NFATC3: variants seen among roughly 807,000 people sequenced by gnomAD.
NFATC3 encodes nuclear factor of activated T-cells, cytoplasmic 3.
Under a neutral mutation model 98.6 loss-of-function variants are expected in NFATC3, and 46 were observed. The observed-to-expected ratio is 0.47, with a 90% CI of 0.37 to 0.60. The LOEUF is 0.60. Among genes scored for constraint, NFATC3 ranks in the 20% least tolerant of loss-of-function variants. NFATC3 has a pLI of 0.00. For synonymous variants in NFATC3, 512 were observed against 472.2 expected, an observed-to-expected ratio of 1.08 and a Z score of -1.09; for missense variants, 1,256 against 1,295.5, an observed-to-expected ratio of 0.97 and a Z score of 0.47.
chr16:68,205,288 A>T (rs2041099435), intron 9 of NFATC3, among the ~76,000 whole-genome samples: 1 of 152,024 alleles, frequency 6.6e-6, no homozygotes, highest in South Asian at 2.1e-4. Context: ...TGCTCTGTTG[A>T]TCAGGCTGGA....
chr16:68,150,765 C>A (rs562376682), intron 3 of NFATC3, among the ~76,000 whole-genome samples: 5 of 152,142 alleles, frequency 3.3e-5, no homozygotes, highest in Non-Finnish European at 7.3e-5. Context: ...AAGGGAGAGG[C>A]CAGATGGGGG....
intron 9 of NFATC3, among the ~76,000 whole-genome samples, chr16:68,214,588 C>G (rs2041558203): frequency 6.6e-6 from 1 of 152,142 alleles, no homozygotes; most frequent in Non-Finnish European, 1.5e-5. Flanking sequence ...GACTAAAAGA[C>G]TCTGCTTTTT....
In NFATC3 at chr16:68,168,352, G is replaced by A. The variant is rs1019732511; in HGVS notation, c.1774+1337G>A. ...TAATTTTTGTATTTTTAGTAGAGAC[G>A]AGGTTTCACCATGTTGGCCATGCTG... On this transcript the variant is annotated intron_variant, in intron 5 of 9. Transcript: ENST00000346183. Among the ~76,000 whole-genome samples the A allele has an allele frequency of 2.7e-5, 4 of 150,748 alleles. No homozygotes were observed. The East Asian group carries it at 5.9e-4, about 22-fold the overall frequency.
intron 3 of NFATC3, among the ~76,000 whole-genome samples, chr16:68,137,549 TTC>T: frequency 6.6e-6 from 1 of 152,164 alleles, no homozygotes; most frequent in Non-Finnish European, 1.5e-5. Flanking sequence ...TCGTTTCTCT[TTC>T]TGTTTTACCA....
intron 9 of NFATC3, among the ~76,000 whole-genome samples, chr16:68,204,155 T>G (rs2041043338): frequency 6.6e-6 from 1 of 151,964 alleles, no homozygotes; most frequent in African/African-American, 2.4e-5. Context: ...GCCACTGCAC[T>G]CCAGCCTGGG....
At chr16:68,158,450 C>A (rs1377716579) in intron 4 of NFATC3, among the ~76,000 whole-genome samples, 1 of 152,148 alleles carries the variant, frequency 6.6e-6, no homozygotes, top group Non-Finnish European at 1.5e-5. Context: ...CCACTTGACC[C>A]ATTTCCAAAT....
chr16:68,134,705 G>GT (rs900987059), intron 3 of NFATC3, among the ~76,000 whole-genome samples: 2 of 152,028 alleles, frequency 1.3e-5, no homozygotes, highest in African/African-American at 2.4e-5. Context: ...TTGTTTTGGG[G>GT]TTTTTTTGGG....
At chr16:68,223,359 CA>C (rs921353453) in intron 9 of NFATC3, among the ~76,000 whole-genome samples, 2 of 151,960 alleles carry the variant, frequency 1.3e-5, no homozygotes, top group African/African-American at 4.8e-5. Context: ...CCTATCTCTA[CA>C]AAAAAAATTT....
intron 9 of NFATC3, among the ~76,000 whole-genome samples, chr16:68,223,439 G>A (rs1357419167): frequency 6.6e-6 from 1 of 152,144 alleles, no homozygotes; most frequent in Non-Finnish European, 1.5e-5. Flanking sequence ...AAGTAATCAC[G>A]GTTCTTGCCA....
In NFATC3 at chr16:68,122,111, A is replaced by G; in HGVS notation, c.228A>G (p.Pro76=). 1.9e-6 allele frequency: 3 copies of G among 1,614,112 alleles called. No individual in the cohort carries two copies. Among genetic ancestry groups the G allele is most frequent in the African/African-American group, 1.3e-5 (1 of 75,042 alleles). The change falls in exon 2 of 10, where the codon CCA becomes CCG. Residue 76 remains proline (P), a synonymous_variant. Transcript: ENST00000346183. ...GLPSHSSVLS[P]SFQLQSHKNY... ...CGTCTCACTCTTCTGTTTTGTCACC[A>G]TCGTTTCAGCTCCAAAGTCACAAAA... is the stretch of plus-strand genomic sequence containing the variant.
rs577043940 is a variant in NFATC3 at position 68,196,463 on chromosome 16, G to T, written c.3106+4688G>T. ...ATTTTTAATTTGACTCATTTATTATGATATTTGGATTTGCCTTTGAAGGTA... is the reference window on the plus strand; with the variant it reads ...ATTTTTAATTTGACTCATTTATTATTATATTTGGATTTGCCTTTGAAGGTA... On this transcript the variant is annotated intron_variant, in intron 9 of 9. Coordinates refer to ENST00000346183, the MANE Select transcript of NFATC3 (RefSeq NM_173165.3). Among the ~76,000 whole-genome samples the T allele has an allele frequency of 7.9e-5, 12 of 152,238 alleles. No individual in the cohort carries two copies. In the South Asian group the frequency reaches 2.5e-3, roughly 32 times the overall value.
chr16:68,203,121 A>G (rs2040997721), intron 9 of NFATC3, among the ~76,000 whole-genome samples: 1 of 152,184 alleles, frequency 6.6e-6, no homozygotes, highest in Non-Finnish European at 1.5e-5. Context: ...ATGGACCATG[A>G]TGGGGATTCA....
chr16:68,121,307 C>T lies in NFATC3; in HGVS notation c.104-680C>T, dbSNP rs375603806. On this transcript the variant is annotated intron_variant, in intron 1 of 9. Coordinates refer to ENST00000346183, the MANE Select transcript of NFATC3 (RefSeq NM_173165.3). Reference sequence around the variant, plus strand: ...TGTCACCCAGGCTGGAGTACAGTGGCGTGATCTGAGCTCACTGCAGCCTGT... The same window carrying T: ...TGTCACCCAGGCTGGAGTACAGTGGTGTGATCTGAGCTCACTGCAGCCTGT... Among the ~76,000 whole-genome samples, 26 of 132,878 alleles carry T rather than the reference C, an allele frequency of 2.0e-4. No homozygotes were observed. In the East Asian group the frequency reaches 3.1e-3, roughly 16 times the overall value. 87.2% of individuals were successfully genotyped at this position (132,878 alleles called of 152,430 possible). A position where few individuals can be genotyped will look rare whatever the true frequency, so the allele number is the denominator to read the frequency against.
chr16:68,151,897 C>T (rs1030144465), intron 3 of NFATC3, among the ~76,000 whole-genome samples: 3 of 151,726 alleles, frequency 2.0e-5, no homozygotes, highest in Non-Finnish European at 2.9e-5. Context: ...GGTGAAACCC[C>T]GTCTCTACTA....
chr16:68,133,302 G>A (rs985683718), intron 3 of NFATC3, among the ~76,000 whole-genome samples: 1 of 151,994 alleles, frequency 6.6e-6, no homozygotes. Flanking sequence ...AGCTAGAAAG[G>A]ATTTTGAATG....
intron 6 of NFATC3, among the ~76,000 whole-genome samples, chr16:68,181,247 G>A (rs2054151283): frequency 6.6e-6 from 1 of 152,186 alleles, no homozygotes; most frequent in South Asian, 2.1e-4. Flanking sequence ...CATCACTTGG[G>A]TAGATGGTTA....
intron 3 of NFATC3, among the ~76,000 whole-genome samples, chr16:68,139,072 ACAAAACTC>A (rs1335842777): frequency 6.6e-6 from 1 of 152,226 alleles, no homozygotes; most frequent in African/African-American, 2.4e-5. Context: ...AACAAGAGAG[ACAAAACTC>A]CAGTCCTCAA....
At chr16:68,206,720 C>T (rs997700960) in intron 9 of NFATC3, among the ~76,000 whole-genome samples, 18 of 152,144 alleles carry the variant, frequency 1.2e-4, no homozygotes, top group African/African-American at 3.6e-4. Flanking sequence ...CAGTAGCTCA[C>T]GTCTCTAATC....
intron 8 of NFATC3, among the ~76,000 whole-genome samples, chr16:68,190,328 T>C (rs1016735974): frequency 2.0e-5 from 3 of 152,228 alleles, no homozygotes; most frequent in Admixed American, 2.0e-4. Context: ...CTTGGTAGGC[T>C]TCGGATCAGG....
Sources: allele counts gnomAD v4.1 joint callset (sites outside exome capture counted in the v4.1 genomes callset), GRCh38; gene constraint gnomAD v4.1.1; transcripts MANE v1.5; gene names NCBI Gene and HGNC (gene_info 2026-07-23, HGNC 2026-07-21).